Variants in CDC123 observed in about 807,000 individuals in gnomAD.
CDC123 encodes translation initiation factor eIF2 assembly protein.
CDC123 carries 37 observed loss-of-function variants against 54.4 expected under a neutral mutation model. The observed-to-expected ratio is 0.68, with a 90% CI of 0.52 to 0.89. The LOEUF is 0.89. Ranked by LOEUF, CDC123 falls within the 40% of genes least tolerant of loss-of-function variation. CDC123 has a pLI of 0.00. For synonymous variants in CDC123, 144 were observed against 136.8 expected, an observed-to-expected ratio of 1.05 and a Z score of -0.37; for missense variants, 361 against 412.1, an observed-to-expected ratio of 0.88 and a Z score of 1.07.
At chr10:12,208,943 G>A (rs184105326) in intron 2 of CDC123, among the ~76,000 whole-genome samples, 7 of 152,080 alleles carry the variant, frequency 4.6e-5, no homozygotes, top group African/African-American at 1.7e-4. Flanking sequence ...ACACCAGCCC[G>A]CACACCCTGT....
chr10:12,231,179 A>T (rs1460527394), intron 7 of CDC123, among the ~76,000 whole-genome samples, 183 bp downstream of exon 7: 3 of 152,222 alleles, frequency 2.0e-5, no homozygotes, highest in Admixed American at 6.5e-5. Context: ...TAGAGTGTAT[A>T]TACCAAATAC....
rs140282256 is a variant in CDC123, at chr10:12,249,577, A to G, written c.847-4A>G. On this transcript the variant is annotated splice_polypyrimidine_tract_variant and splice_region_variant and intron_variant, in intron 11 of 12. Coordinates refer to ENST00000281141, the MANE Select transcript of CDC123 (RefSeq NM_006023.3). ...ATTCTTTCTCCTTTTTCTTCTTTGT[A>G]CAGGATTCCCCAGCTTTCCGTTGCA... 4.0e-3 allele frequency: 6,462 copies of G among 1,609,052 alleles called. 193 individuals carry two copies. In the South Asian group the frequency reaches 0.056, roughly 14 times the overall value.
chr10:12,226,142 G>A (rs1835809579), intron 6 of CDC123, among the ~76,000 whole-genome samples: 1 of 152,112 alleles, frequency 6.6e-6, no homozygotes, highest in African/African-American at 2.4e-5. Context: ...ACAAAATGGA[G>A]TCTCCCATGT....
At chr10:12,210,198 T>A in intron 3 of CDC123, 92 bp from the exon 4 acceptor site, 2 of 1,515,078 alleles carry the variant, frequency 1.3e-6, no homozygotes, top group South Asian at 2.4e-5. Context: ...TGTCTCCTGT[T>A]TGATTTATAA....
chr10:12,209,194 G>A (rs1451501194), intron 2 of CDC123, among the ~76,000 whole-genome samples: 1 of 152,046 alleles, frequency 6.6e-6, no homozygotes. Context: ...AGGACAGAAA[G>A]GTTTTATTCT....
intron 6 of CDC123, among the ~76,000 whole-genome samples, chr10:12,230,190 G>GT (rs1369089442): frequency 2.0e-5 from 3 of 150,530 alleles, no homozygotes; most frequent in Admixed American, 1.3e-4. Context: ...GGTTTTTTTT[G>GT]TTTTTTGGGT....
At chr10:12,211,717 A>G (rs1835605004) in intron 4 of CDC123, among the ~76,000 whole-genome samples, 1 of 152,248 alleles carries the variant, frequency 6.6e-6, no homozygotes, top group Admixed American at 6.5e-5. Context: ...CAGAGACAGC[A>G]GTTACAGCTG....
chr10:12,237,119 A>G (rs1022190571), intron 8 of CDC123, 25 bp from the exon 9 acceptor site: 1 of 1,513,094 alleles, frequency 6.6e-7, no homozygotes. Context: ...GTATAATAAC[A>G]GGATGTAAAA....
chr10:12,219,843 G>A (rs183549170), intron 6 of CDC123, among the ~76,000 whole-genome samples: 2 of 152,014 alleles, frequency 1.3e-5, no homozygotes, highest in African/African-American at 2.4e-5. Context: ...TGGCTACCAC[G>A]CCCAGCTAAT....
In CDC123 at chr10:12,231,412, C is replaced by G. The variant is rs549270299; in HGVS notation, c.489+416C>G. On this transcript the variant is annotated intron_variant, in intron 7 of 12. Transcript: ENST00000281141. ...CCGAGGTGGGTGGATCATCTGAGAT[C>G]AGGAGTGCGAGACCAGCCTGGCCAT... Among the ~76,000 whole-genome samples, 6 of 152,192 alleles carry G rather than the reference C, an allele frequency of 3.9e-5. No individual in the cohort carries two copies. In the East Asian group the frequency reaches 7.7e-4, roughly 20 times the overall value.
intron 2 of CDC123, among the ~76,000 whole-genome samples, chr10:12,200,882 G>A (rs1326744558): frequency 1.3e-5 from 2 of 151,874 alleles, no homozygotes; most frequent in East Asian, 1.9e-4. Context: ...GCAGTGAGCC[G>A]AGATCATGCC....
At chr10:12,248,962 T>G (rs912855428) in intron 11 of CDC123, among the ~76,000 whole-genome samples, 8 of 151,556 alleles carry the variant, frequency 5.3e-5, no homozygotes, top group African/African-American at 1.7e-4. Context: ...AATACAAAAA[T>G]TAGCCGGACG....
At chr10:12,245,579 G>A (rs1363865755) in intron 10 of CDC123, 2 of 152,234 alleles carry the variant, frequency 1.3e-5, no homozygotes, top group African/African-American at 2.4e-5. Context: ...TTGACTTAAA[G>A]TTCCACTGTG....
rs1046644504 is a variant in CDC123, at chr10:12,243,619, C to A, written c.718-2530C>A. 3.2e-5 allele frequency among the ~76,000 whole-genome samples: 4 copies of A among 123,390 alleles called. No individual in the cohort carries two copies. In the Admixed American group the frequency reaches 3.7e-4, roughly 11 times the overall value. 80.9% of individuals were successfully genotyped at this position (123,390 alleles called of 152,430 possible). A position where few individuals can be genotyped will look rare whatever the true frequency, so the allele number is the denominator to read the frequency against. ...CTGACACAGTGAAACCCTGTCTCTACTAAAAATACAAAAAATTAGCTGGGC... is the reference window on the plus strand; with the variant it reads ...CTGACACAGTGAAACCCTGTCTCTAATAAAAATACAAAAAATTAGCTGGGC... On this transcript the variant is annotated intron_variant, in intron 10 of 12. Transcript: ENST00000281141.
At chr10:12,227,497 CTT>C (rs1230738222) in intron 6 of CDC123, among the ~76,000 whole-genome samples, 3 of 145,746 alleles carry the variant, frequency 2.1e-5, no homozygotes, top group Non-Finnish European at 3.0e-5. Flanking sequence ...AATTTTCTGT[CTT>C]TTTTTTTTTT....
intron 4 of CDC123, among the ~76,000 whole-genome samples, chr10:12,211,128 A>T (rs546572345): frequency 6.6e-6 from 1 of 152,226 alleles, no homozygotes; most frequent in African/African-American, 2.4e-5. Context: ...GTTTCAGGAT[A>T]AGAGTGCTGT....
intron 4 of CDC123, among the ~76,000 whole-genome samples, chr10:12,210,531 C>G (rs552916590): frequency 1.3e-5 from 2 of 152,114 alleles, no homozygotes; most frequent in Non-Finnish European, 2.9e-5. Context: ...CCTTTGATTG[C>G]AAAGGAAATA....
At chr10:12,240,505 C>T (rs920120324) in intron 10 of CDC123, among the ~76,000 whole-genome samples, 1 of 152,198 alleles carries the variant, frequency 6.6e-6, no homozygotes, top group African/African-American at 2.4e-5. Context: ...TCATTTAACT[C>T]TTACGTCAAA....
At chr10:12,225,914 T>C (rs962083378) in intron 6 of CDC123, among the ~76,000 whole-genome samples, 8 of 151,962 alleles carry the variant, frequency 5.3e-5, no homozygotes, top group Admixed American at 6.6e-5. Context: ...TGCGGCCTTC[T>C]GCAGTGTTTG....
Sources: allele counts gnomAD v4.1 joint callset (sites outside exome capture counted in the v4.1 genomes callset), GRCh38; gene constraint gnomAD v4.1.1; transcripts MANE v1.5; gene names NCBI Gene and HGNC (gene_info 2026-07-23, HGNC 2026-07-21).